The following NEBL variants were observed in gnomAD, a reference collection of about 807,000 sequenced individuals.
NEBL encodes nebulette.
NEBL carries 122 observed loss-of-function variants against 140.2 expected under a neutral mutation model. The ratio of observed to expected loss-of-function variants is 0.87; its 90% CI spans 0.75 to 1.01. The LOEUF is 1.01. Ranked by LOEUF, NEBL falls within the 50% of genes least tolerant of loss-of-function variation. NEBL has a pLI of 0.00. For missense variants in NEBL, 1,365 were observed against 1,231.3 expected, an observed-to-expected ratio of 1.11 and a Z score of -1.62; for synonymous variants, 436 against 398.9, an observed-to-expected ratio of 1.09 and a Z score of -1.11.
intron 7 of NEBL, among the ~76,000 whole-genome samples, chr10:20,863,263 T>C (rs1222846210): frequency 1.3e-5 from 2 of 152,136 alleles, no homozygotes; most frequent in African/African-American, 2.4e-5. Flanking sequence ...CCCAAAACTT[T>C]ACACTGACAT....
chr10:21,258,620 G>T (rs1049852882), intron 1 of NEBL, among the ~76,000 whole-genome samples: 1 of 150,750 alleles, frequency 6.6e-6, no homozygotes, highest in Non-Finnish European at 1.5e-5. Flanking sequence ...CAGCAGAATC[G>T]CTTGAACCCA....
chr10:20,981,419 A>G (rs188976785), intron 3 of NEBL, among the ~76,000 whole-genome samples: 2 of 152,108 alleles, frequency 1.3e-5, no homozygotes, highest in African/African-American at 4.8e-5. Flanking sequence ...AAAAACACAC[A>G]CAAAATTATA....
chr10:21,133,867 T>A (rs1357106827), intron 2 of NEBL, among the ~76,000 whole-genome samples: 1 of 152,178 alleles, frequency 6.6e-6, no homozygotes, highest in African/African-American at 2.4e-5. Context: ...TGGTCATCTT[T>A]GTCCTGTGTA....
At chr10:20,953,750 T>C (rs945618832) in intron 4 of NEBL, among the ~76,000 whole-genome samples, 2 of 152,026 alleles carry the variant, frequency 1.3e-5, no homozygotes, top group African/African-American at 2.4e-5. Flanking sequence ...AATCATAAAA[T>C]TGAAAGCAAC....
intron 2 of NEBL, among the ~76,000 whole-genome samples, chr10:21,156,881 C>A (rs1840356594): frequency 6.6e-6 from 1 of 151,992 alleles, no homozygotes; most frequent in African/African-American, 2.4e-5. Context: ...TGAGTTTTTC[C>A]CCCTTCTTTT....
At chr10:21,241,054 T>G (rs1455338973) in intron 3 of NEBL, among the ~76,000 whole-genome samples, 2 of 152,022 alleles carry the variant, frequency 1.3e-5, no homozygotes, top group Admixed American at 1.3e-4. Flanking sequence ...GTGGCTTTAT[T>G]TTTATCAGCT....
chr10:20,921,990 C>G (rs1382384133), intron 4 of NEBL, among the ~76,000 whole-genome samples: 1 of 152,156 alleles, frequency 6.6e-6, no homozygotes, highest in Non-Finnish European at 1.5e-5. Context: ...TGAAAATGCA[C>G]TTTTTTGGAA....
chr10:21,020,297 C>T, intron 2 of NEBL: 1 of 1,081,028 alleles, frequency 9.3e-7, no homozygotes, highest in South Asian at 1.3e-5. Context: ...CTTTTCCCAA[C>T]CCCATCACAG....
intron 4 of NEBL, among the ~76,000 whole-genome samples, chr10:20,933,023 T>C (rs909807868): frequency 6.6e-6 from 1 of 152,140 alleles, no homozygotes; most frequent in South Asian, 2.1e-4. Context: ...AGATACTAAC[T>C]GCATTAACAC....
intron 27 of NEBL, 88 bp from the exon 28 acceptor site, chr10:20,786,011 G>GT: frequency 8.0e-7 from 1 of 1,252,150 alleles, no homozygotes; most frequent in East Asian, 2.3e-5. Flanking sequence ...CACACATAAA[G>GT]TAACTATTAG....
chr10:21,257,947 G>GT (rs1279363317), intron 1 of NEBL, among the ~76,000 whole-genome samples: 4 of 151,696 alleles, frequency 2.6e-5, no homozygotes, highest in Admixed American at 2.6e-4. Context: ...TACATATATT[G>GT]TTTTTTAATA....
intron 4 of NEBL, among the ~76,000 whole-genome samples, chr10:20,939,704 G>A (rs954044741): frequency 6.6e-6 from 1 of 152,126 alleles, no homozygotes; most frequent in Non-Finnish European, 1.5e-5. Flanking sequence ...CACGTGCAGA[G>A]ACACACATAG....
intron 4 of NEBL, among the ~76,000 whole-genome samples, chr10:20,935,307 G>T (rs532924986): frequency 6.6e-6 from 1 of 152,312 alleles, no homozygotes; most frequent in Non-Finnish European, 1.5e-5. Flanking sequence ...CAGAAATTTT[G>T]AATCTTCTCA....
At position 21,190,420 on chromosome 10, in the gene NEBL, GC is replaced by G. The variant is rs1841552450; in HGVS notation, n.349-17944del. Among the ~76,000 whole-genome samples, 3 of 152,252 alleles carry G rather than the reference GC, an allele frequency of 2.0e-5. No homozygotes were observed. In the South Asian group the frequency reaches 6.2e-4, roughly 32 times the overall value. ...AATTGCTTGAGCCTGGGAGGTAGAG[GC>G]TACATTGAGCTATGATTGAACCACT... On this transcript the variant is annotated intron_variant and non_coding_transcript_variant, in intron 3 of 8. Coordinates refer to the NEBL transcript ENST00000675702.
chr10:21,222,516 T>C (rs1006717496), intron 3 of NEBL, among the ~76,000 whole-genome samples: 3 of 152,242 alleles, frequency 2.0e-5, no homozygotes, highest in African/African-American at 7.2e-5. Flanking sequence ...AAAACTTTTT[T>C]ACTAATACCT....
intron 3 of NEBL, among the ~76,000 whole-genome samples, chr10:20,965,958 C>T (rs1339243871): frequency 3.3e-5 from 5 of 152,164 alleles, no homozygotes; most frequent in African/African-American, 7.2e-5. Flanking sequence ...CCAACCTGAG[C>T]TCAGAAAGAG....
At chr10:21,171,316 C>G in intron 2 of NEBL, among the ~76,000 whole-genome samples, 1 of 127,482 alleles carries the variant, frequency 7.8e-6, no homozygotes, top group Non-Finnish European at 1.6e-5. Context: ...GCCTGGGCAA[C>G]AGGAGCAAAC....
intron 10 of NEBL, among the ~76,000 whole-genome samples, chr10:20,851,771 C>T (rs763268744): frequency 1.5e-4 from 23 of 151,870 alleles, no homozygotes; most frequent in Middle Eastern, 3.4e-3. Flanking sequence ...GGTGACAGTG[C>T]GAGACTCCAT....
chr10:20,917,333 G>C (rs892796264), intron 4 of NEBL, among the ~76,000 whole-genome samples: 29 of 152,186 alleles, frequency 1.9e-4, no homozygotes, highest in African/African-American at 7.0e-4. Context: ...CTTTCTTCAA[G>C]GGTCCTCTGA....
Sources: allele counts gnomAD v4.1 joint callset (sites outside exome capture counted in the v4.1 genomes callset), GRCh38; gene constraint gnomAD v4.1.1; transcripts MANE v1.5; gene names NCBI Gene and HGNC (gene_info 2026-07-23, HGNC 2026-07-21).